Variants in THSD7A observed in about 807,000 individuals in gnomAD.
The protein encoded by THSD7A is thrombospondin type-1 domain-containing protein 7A.
A neutral mutation model predicts 231.3 loss-of-function variants in THSD7A; 96 were observed. The observed-to-expected ratio is 0.41, with a 90% CI of 0.35 to 0.49. The LOEUF (loss-of-function observed/expected upper bound fraction) is 0.49, where lower values mean the gene tolerates loss of function less well. Ranked by LOEUF, THSD7A falls within the 20% of genes least tolerant of loss-of-function variation. The pLI, the probability that THSD7A is intolerant of heterozygous loss-of-function variation, is 0.05. For missense variants in THSD7A, 2,290 were observed against 2,070.2 expected, an observed-to-expected ratio of 1.11 and a Z score of -2.06; for synonymous variants, 940 against 743.3, an observed-to-expected ratio of 1.26 and a Z score of -4.30.
rs1210960268 is a variant in THSD7A at position 11,814,584 on chromosome 7, T to C, written c.190+17173A>G. Reference sequence around the variant, plus strand: ...CAACCAAGGTTGAAGGACCACCTTGTCTGCTTCATAGTATTTATTCTCTTC... The same window carrying C: ...CAACCAAGGTTGAAGGACCACCTTGCCTGCTTCATAGTATTTATTCTCTTC... On this transcript the variant is annotated intron_variant, in intron 1 of 27. Coordinates refer to ENST00000423059, the MANE Select transcript of THSD7A (RefSeq NM_015204.3). This position sits in a 1 kb window ranked among gnomAD's most constrained non-coding sequence, Gnocchi z 5.1. Among the ~76,000 whole-genome samples the C allele has an allele frequency of 6.6e-6, 1 of 152,182 alleles. No homozygotes were observed. Among genetic ancestry groups the C allele is most frequent in the Non-Finnish European group, 1.5e-5 (1 of 68,028 alleles).
At chr7:11,724,461 T>C (rs923446248) in intron 1 of THSD7A, among the ~76,000 whole-genome samples, 53 of 152,016 alleles carry the variant, frequency 3.5e-4, no homozygotes, top group African/African-American at 1.3e-3. Flanking sequence ...TTGCTTATAA[T>C]CAGTCATACA....
chr7:11,390,366 T>A (rs1782932746), intron 23 of THSD7A, among the ~76,000 whole-genome samples: 1 of 152,256 alleles, frequency 6.6e-6, no homozygotes, highest in Non-Finnish European at 1.5e-5. Context: ...CTTCAATCTC[T>A]GATATTGTTT....
chr7:11,434,727 TTTATC>T (rs1784578937), intron 13 of THSD7A, among the ~76,000 whole-genome samples: 1 of 152,054 alleles, frequency 6.6e-6, no homozygotes, highest in African/African-American at 2.4e-5. Flanking sequence ...TAGCTAGACT[TTTATC>T]TATTGTGGTC....
At chr7:11,382,395 A>G (rs1015610994) in intron 24 of THSD7A, 126 bp downstream of exon 24, 5 of 752,886 alleles carry the variant, frequency 6.6e-6, no homozygotes, top group Non-Finnish European at 1.1e-5. Context: ...CAGCTTAGGC[A>G]TCCTGAATCC....
At chr7:11,744,540 T>C (rs1047816620) in intron 1 of THSD7A, among the ~76,000 whole-genome samples, 5 of 151,668 alleles carry the variant, frequency 3.3e-5, no homozygotes, top group South Asian at 4.2e-4. Flanking sequence ...GTGCTGCACC[T>C]ATTAACTCAT....
chr7:11,694,448 T>G (rs1445050396), intron 1 of THSD7A, among the ~76,000 whole-genome samples: 1 of 151,572 alleles, frequency 6.6e-6, no homozygotes, highest in Non-Finnish European at 1.5e-5. Flanking sequence ...CTATCTCCAT[T>G]GTAGAGTTTC....
chr7:11,821,893 T>C (rs1203620336), intron 1 of THSD7A, among the ~76,000 whole-genome samples: 1 of 152,230 alleles, frequency 6.6e-6, no homozygotes, highest in Non-Finnish European at 1.5e-5. Flanking sequence ...TTTCACATAC[T>C]AAACTGTAAA....
chr7:11,385,373 C>T (rs1012296158), intron 23 of THSD7A: 2 of 152,000 alleles, frequency 1.3e-5, no homozygotes, highest in African/African-American at 4.8e-5. Context: ...ATTCCAAGAG[C>T]CTGCCTCTAA....
At chr7:11,504,693 C>T (rs1787473211) in intron 6 of THSD7A, among the ~76,000 whole-genome samples, 1 of 151,986 alleles carries the variant, frequency 6.6e-6, no homozygotes, top group Admixed American at 6.6e-5. Context: ...CATCTTGGGC[C>T]AAATTTTTCA....
intron 7 of THSD7A, 51 bp downstream of exon 7, chr7:11,481,737 C>A: frequency 6.7e-7 from 1 of 1,487,414 alleles, no homozygotes; most frequent in Non-Finnish European, 9.0e-7. Flanking sequence ...AAAAAAGATG[C>A]ACACTAACTT....
chr7:11,481,077 T>C (rs925689334), intron 7 of THSD7A, among the ~76,000 whole-genome samples: 2 of 152,162 alleles, frequency 1.3e-5, no homozygotes, highest in African/African-American at 4.8e-5. Flanking sequence ...TATGACATTA[T>C]ATTACCCAGT....
intron 7 of THSD7A, among the ~76,000 whole-genome samples, chr7:11,480,784 C>G (rs979941272): frequency 1.3e-5 from 2 of 152,016 alleles, no homozygotes; most frequent in African/African-American, 2.4e-5. Context: ...CACTATGTTT[C>G]TATCACTAAA....
At chr7:11,489,364 T>C (rs1241884769) in intron 6 of THSD7A, among the ~76,000 whole-genome samples, 2 of 152,146 alleles carry the variant, frequency 1.3e-5, no homozygotes, top group Admixed American at 6.6e-5. Flanking sequence ...TATAGGCCCC[T>C]GACCTCTTTT....
chr7:11,716,258 C>T (rs951921140), intron 1 of THSD7A, among the ~76,000 whole-genome samples: 1 of 151,662 alleles, frequency 6.6e-6, no homozygotes, highest in Admixed American at 6.6e-5. Flanking sequence ...CTCTCTCCAC[C>T]CATCTTGAAT....
intron 1 of THSD7A, among the ~76,000 whole-genome samples, chr7:11,739,246 A>G (rs12667493): frequency 0.19 from 29,610 of 151,994 alleles, 3,795 homozygotes; most frequent in African/African-American, 0.36. Context: ...ACATAAATTT[A>G]GATAGCTTTA....
rs1233523429 is a variant in THSD7A, at chr7:11,814,305, A to G, written c.190+17452T>C. 6.6e-6 allele frequency among the ~76,000 whole-genome samples: 1 copy of G among 152,228 alleles called. No individual in the cohort carries two copies. The highest frequency in any genetic ancestry group is 1.9e-4 in the East Asian group (1 of 5,202). On this transcript the variant is annotated intron_variant, in intron 1 of 27. Coordinates refer to ENST00000423059, the MANE Select transcript of THSD7A (RefSeq NM_015204.3). The surrounding 1 kb of genome is among the most constrained non-coding windows in gnomAD (Gnocchi z 5.1). ...TTCTATCAAATAAAGCTGTTAAAAG[A>G]ATGGCTCTGTGATGGCAATCCCAAG... is the stretch of plus-strand genomic sequence containing the variant.
chr7:11,531,921 G>A (rs1788726275), intron 6 of THSD7A, among the ~76,000 whole-genome samples: 1 of 152,080 alleles, frequency 6.6e-6, no homozygotes, highest in Admixed American at 6.6e-5. Context: ...CACAAATTCT[G>A]GCAAGTACCT....
At chr7:11,515,479 T>C (rs919465355) in intron 6 of THSD7A, among the ~76,000 whole-genome samples, 10 of 152,244 alleles carry the variant, frequency 6.6e-5, no homozygotes, top group Admixed American at 1.3e-4. Flanking sequence ...TAATCCATAG[T>C]GCCATAAATA....
intron 1 of THSD7A, among the ~76,000 whole-genome samples, chr7:11,791,600 T>A (rs1288426494): frequency 6.6e-6 from 1 of 151,978 alleles, no homozygotes; most frequent in African/African-American, 2.4e-5. Flanking sequence ...CCTTAATAAA[T>A]TATAACAACC....
Sources: gnomAD v4.1 joint callset for allele counts (sites outside exome capture counted in the v4.1 genomes callset) on GRCh38, gnomAD v4.1.1 for gene constraint, Gnocchi (gnomAD v3.1) non-coding constraint, MANE v1.5 for transcripts, NCBI Gene and HGNC (gene_info 2026-07-23, HGNC 2026-07-21) for gene names.